The following NIBAN2 variants were observed in gnomAD, a reference collection of about 807,000 sequenced individuals.
NIBAN2 encodes protein Niban 2.
A neutral mutation model predicts 81.8 loss-of-function variants in NIBAN2; 36 were observed. The observed-to-expected ratio is 0.44, with a 90% CI of 0.34 to 0.58. NIBAN2 has a LOEUF of 0.58. Among genes scored for constraint, NIBAN2 ranks in the 20% least tolerant of loss-of-function variants. The probability of loss-of-function intolerance (pLI) is 0.02; values close to 1 mark genes in which losing one functional copy is unlikely to be tolerated. For missense variants in NIBAN2, 897 were observed against 1,014.1 expected (o/e 0.88, Z 1.57); for synonymous variants, 445 against 441.6 (o/e 1.01, Z -0.10).
intron 1 of NIBAN2, among the ~76,000 whole-genome samples, chr9:127,540,231 G>C (rs561083588): frequency 9.2e-4 from 140 of 152,334 alleles, no homozygotes; most frequent in African/African-American, 3.2e-3. Flanking sequence ...AGATAGTGAG[G>C]CTGGGCAAGA....
Position 127,517,170 on chromosome 9 carries a change from G to C in NIBAN2, c.752C>G (p.Ala251Gly). 1 of 1,614,040 alleles carries C rather than the reference G, an allele frequency of 6.2e-7. No homozygotes were observed. The highest frequency in any genetic ancestry group is 8.5e-7 in the Non-Finnish European group (1 of 1,179,988). ...CCCCTTCAGCCGCGGGCCGAGCTCT[G>C]CCTTCAGCTCAGGGCCCAGCTCCTC... Reference protein sequence around the residue: ...VMEELGPELKAELGPRLKGKP... With the variant: ...VMEELGPELKGELGPRLKGKP... The change falls in exon 7 of 14, where the codon GCA becomes GGA. Residue 251 changes from alanine (A) to glycine (G), a missense_variant. Physicochemically the swap from Ala to Gly is moderately conservative, Grantham distance 60. This residue lies in a region of NIBAN2 where 619 missense variants were observed against 691.0 expected (regional missense o/e 0.90). Transcript: ENST00000373312. The surrounding 1 kb of genome is among the most constrained non-coding windows in gnomAD (Gnocchi z 4.0).
chr9:127,564,083 A>G (rs1486160631), intron 1 of NIBAN2, among the ~76,000 whole-genome samples: 1 of 152,012 alleles, frequency 6.6e-6, no homozygotes, highest in Non-Finnish European at 1.5e-5. Context: ...ACCTGAGGTC[A>G]AGAGTTCGAG....
At chr9:127,567,217 G>A (rs569688066) in intron 1 of NIBAN2, among the ~76,000 whole-genome samples, 18 of 152,140 alleles carry the variant, frequency 1.2e-4, no homozygotes, top group African/African-American at 3.4e-4. Context: ...AAACCCCACC[G>A]AATGCAAGGC....
At chr9:127,561,001 A>G (rs1420905549) in intron 1 of NIBAN2, 11 of 547,114 alleles carry the variant, frequency 2.0e-5, no homozygotes, top group Admixed American at 1.9e-4. Context: ...CAAGTGGTCA[A>G]TGGGACCAGG....
chr9:127,565,398 T>C (rs1837840849), intron 1 of NIBAN2, among the ~76,000 whole-genome samples: 1 of 152,204 alleles, frequency 6.6e-6, no homozygotes, highest in Admixed American at 6.5e-5. Flanking sequence ...CCAACATTGA[T>C]GGTGGCAATG....
intron 4 of NIBAN2, 23 bp downstream of exon 4, chr9:127,525,035 G>T (rs892282363): frequency 8.9e-6 from 14 of 1,571,266 alleles, no homozygotes; most frequent in Non-Finnish European, 1.2e-5. Flanking sequence ...GGGCATTGTG[G>T]CCTGGGATGG....
At chr9:127,565,948 A>T (rs57269787) in intron 1 of NIBAN2, among the ~76,000 whole-genome samples, 26,557 of 116,828 alleles carry the variant, frequency 0.23, 2,606 homozygotes, top group East Asian at 0.3. Flanking sequence ...TCTCTCTCTC[A>T]CACACACACA....
chr9:127,530,860 C>T (rs768613625), intron 2 of NIBAN2, among the ~76,000 whole-genome samples: 2 of 152,150 alleles, frequency 1.3e-5, no homozygotes, highest in African/African-American at 4.8e-5. Flanking sequence ...CTCAACAACA[C>T]GACCTGGGTT....
chr9:127,558,350 G>A (rs567441252), intron 1 of NIBAN2, among the ~76,000 whole-genome samples: 1 of 152,168 alleles, frequency 6.6e-6, no homozygotes, highest in South Asian at 2.1e-4. Flanking sequence ...GTGGGAGTAC[G>A]AAGTCGGAGA....
At chr9:127,568,664 G>A (rs1356661231) in intron 1 of NIBAN2, among the ~76,000 whole-genome samples, 156 bp downstream of exon 1, 1 of 152,054 alleles carries the variant, frequency 6.6e-6, no homozygotes, top group African/African-American at 2.4e-5. Flanking sequence ...CAGAGGGAAC[G>A]AGCTCGGACG....
chr9:127,518,606 G>C (rs1284990445), intron 5 of NIBAN2, among the ~76,000 whole-genome samples: 4 of 152,342 alleles, frequency 2.6e-5, no homozygotes, highest in African/African-American at 9.6e-5. Context: ...GGCTGATCTG[G>C]GCCCATAGGC....
intron 1 of NIBAN2, among the ~76,000 whole-genome samples, chr9:127,542,712 C>A (rs1241535412): frequency 1.3e-5 from 2 of 152,218 alleles, no homozygotes; most frequent in African/African-American, 4.8e-5. Context: ...TCACTCTTCC[C>A]TGAGGCCAGT....
At position 127,508,256 on chromosome 9, in the gene NIBAN2, AG is replaced by A; in HGVS notation, c.1435-57del. On this transcript the variant is annotated intron_variant, in intron 11 of 13. Coordinates refer to ENST00000373312, the MANE Select transcript of NIBAN2 (RefSeq NM_022833.4). The surrounding 1 kb of genome is among the most constrained non-coding windows in gnomAD (Gnocchi z 6.4). ...AGGTCAGTGGGCTCCATTGGCCCTG[AG>A]GGTAGGACGAGGCCAGTGGTCTGAC... is the stretch of plus-strand genomic sequence containing the variant. 5 of 1,477,482 alleles carry A rather than the reference AG, an allele frequency of 3.4e-6. No individual in the cohort carries two copies. Among genetic ancestry groups the A allele is most frequent in the South Asian group, 1.1e-5 (1 of 87,018 alleles). 91.5% of individuals were successfully genotyped at this position (1,477,482 alleles called of 1,614,324 possible).
At chr9:127,511,954 C>T (rs1462550935) in intron 8 of NIBAN2, among the ~76,000 whole-genome samples, 2 of 152,046 alleles carry the variant, frequency 1.3e-5, no homozygotes, top group Non-Finnish European at 2.9e-5. Context: ...CAAATGCTAG[C>T]GAGGATGTGG....
chr9:127,523,914 C>A, intron 4 of NIBAN2, 68 bp from the exon 5 acceptor site: 1 of 1,528,422 alleles, frequency 6.5e-7, no homozygotes, highest in Non-Finnish European at 9.0e-7. Context: ...TGTCAGAGAA[C>A]TGATCCCTTG....
At chr9:127,537,232 A>G (rs1837296289) in intron 1 of NIBAN2, among the ~76,000 whole-genome samples, 1 of 152,096 alleles carries the variant, frequency 6.6e-6, no homozygotes, top group Admixed American at 6.5e-5. Flanking sequence ...AGAGACTCAC[A>G]TTCTTCATTT....
intron 1 of NIBAN2, among the ~76,000 whole-genome samples, chr9:127,546,982 C>T (rs1419341116): frequency 1.3e-5 from 2 of 150,920 alleles, no homozygotes; most frequent in African/African-American, 2.4e-5. Context: ...GGGAGGACAC[C>T]GGGAAGGGAG....
At chr9:127,515,879 T>C (rs1205257647) in intron 8 of NIBAN2, among the ~76,000 whole-genome samples, 1 of 152,010 alleles carries the variant, frequency 6.6e-6, no homozygotes, top group Non-Finnish European at 1.5e-5. Context: ...CGCTCACATC[T>C]GTAATCCTAG....
In NIBAN2 at chr9:127,568,909, C is replaced by A. The variant is rs530533244; in HGVS notation, c.-35G>T. ...GTGTCGCGGCCCGATCCGGCCGACG[C>A]CGCCGCTGTTGCCCGCGCTGCTCAG... On this transcript the variant is annotated 5_prime_UTR_variant, in exon 1 of 14. Transcript: ENST00000373312. 8.8e-6 allele frequency: 11 copies of A among 1,255,082 alleles called. No homozygotes were observed. The highest frequency in any genetic ancestry group is 4.1e-5 in the Admixed American group (1 of 24,334). 77.7% of individuals were successfully genotyped at this position (1,255,082 alleles called of 1,614,324 possible). A position where few individuals can be genotyped will look rare whatever the true frequency, so the allele number is the denominator to read the frequency against.
Sources: gnomAD v4.1 joint callset for allele counts (sites outside exome capture counted in the v4.1 genomes callset) on GRCh38, gnomAD v4.1.1 for gene constraint, gnomAD v4.1.1 regional missense constraint, Gnocchi (gnomAD v3.1) non-coding constraint, MANE v1.5 for transcripts, NCBI Gene and HGNC (gene_info 2026-07-23, HGNC 2026-07-21) for gene names.